The following ROBO2 variants were observed in gnomAD, a reference collection of about 807,000 sequenced individuals.
ROBO2 encodes roundabout homolog 2.
ROBO2 carries 53 observed loss-of-function variants against 160.8 expected under a neutral mutation model. That is an observed-to-expected ratio of 0.33 (90% CI 0.26 to 0.41). The LOEUF is 0.41. ROBO2 is among the 10% of genes least tolerant of loss of function. ROBO2 has a pLI of 1.00. For synonymous variants in ROBO2, 664 were observed against 611.7 expected (o/e 1.09, Z -1.26); for missense variants, 1,577 against 1,722.4 (o/e 0.92, Z 1.49).
At chr3:76,729,640 T>TCCC (rs1553884329) in intron 2 of ROBO2, among the ~76,000 whole-genome samples, 1 of 55,296 alleles carries the variant, frequency 1.8e-5, no homozygotes, top group African/African-American at 9.7e-5. Context: ...TCTCTCTCTC[T>TCCC]TTTTTTTTTT....
At chr3:76,072,893 C>T (rs1348820811) in intron 2 of ROBO2, among the ~76,000 whole-genome samples, 1 of 152,150 alleles carries the variant, frequency 6.6e-6, no homozygotes, top group Non-Finnish European at 1.5e-5. Context: ...CTATTCAGAC[C>T]TCTGTTTCCT....
At chr3:76,132,675 C>T (rs963391276) in intron 2 of ROBO2, among the ~76,000 whole-genome samples, 4 of 152,078 alleles carry the variant, frequency 2.6e-5, no homozygotes, top group Non-Finnish European at 5.9e-5. Context: ...AGGCCTTCTT[C>T]TAAAACATGT....
At chr3:75,944,063 C>A (rs1177521589) in intron 2 of ROBO2, among the ~76,000 whole-genome samples, 1 of 152,044 alleles carries the variant, frequency 6.6e-6, no homozygotes, top group Non-Finnish European at 1.5e-5. Context: ...TAAAATTAAT[C>A]TGTATACGAA....
At chr3:77,219,434 G>GTGTATATATATATA (rs1553852643) in intron 2 of ROBO2, among the ~76,000 whole-genome samples, 34 of 115,252 alleles carry the variant, frequency 3.0e-4, no homozygotes, top group South Asian at 1.5e-3. Flanking sequence ...GTATGTGTGT[G>GTGTATATATATATA]TATATATATA....
intron 2 of ROBO2, among the ~76,000 whole-genome samples, chr3:76,706,266 T>C (rs2107532681): frequency 6.6e-6 from 1 of 152,194 alleles, no homozygotes; most frequent in East Asian, 1.9e-4. Context: ...TAAAACATTG[T>C]TCATTTTTTA....
chr3:77,156,981 G>T (rs1044276928), intron 2 of ROBO2, among the ~76,000 whole-genome samples: 2 of 151,850 alleles, frequency 1.3e-5, no homozygotes, highest in African/African-American at 4.8e-5. Flanking sequence ...CAAATTCTTG[G>T]ACAACCACCC....
In ROBO2 at chr3:77,205,007, C is replaced by A. The variant is rs1579956253; in HGVS notation, c.388+106667C>A. Among the ~76,000 whole-genome samples the A allele has an allele frequency of 2.0e-5, 3 of 152,132 alleles. No individual in the cohort carries two copies. In the East Asian group the frequency reaches 5.8e-4, roughly 29 times the overall value. ...CAGACCGGCAGGTGCAGGAGCCGGG[C>A]GGGGCAAGTGCTCTGGGCTGCAGCC... On this transcript the variant is annotated intron_variant, in intron 2 of 25. Coordinates refer to ENST00000461745, the Ensembl canonical transcript of ROBO2.
intron 2 of ROBO2, among the ~76,000 whole-genome samples, chr3:76,665,122 ACTCT>A (rs771021108): frequency 2.6e-5 from 4 of 151,658 alleles, no homozygotes; most frequent in African/African-American, 7.3e-5. Context: ...TATATAAACT[ACTCT>A]CTCTTTCCCC....
At chr3:76,782,778 A>G (rs1421146827) in intron 2 of ROBO2, among the ~76,000 whole-genome samples, 2 of 150,742 alleles carry the variant, frequency 1.3e-5, no homozygotes, top group African/African-American at 4.8e-5. Context: ...TCTGAAAGCT[A>G]AAGTGAGTCT....
intron 2 of ROBO2, among the ~76,000 whole-genome samples, chr3:76,376,275 G>A (rs2076340774): frequency 6.6e-6 from 1 of 152,006 alleles, no homozygotes; most frequent in Non-Finnish European, 1.5e-5. Context: ...CAGTCCCAGT[G>A]GATTCAGCAA....
At chr3:77,187,513 C>T (rs1267630737) in intron 2 of ROBO2, among the ~76,000 whole-genome samples, 3 of 151,948 alleles carry the variant, frequency 2.0e-5, no homozygotes, top group East Asian at 1.9e-4. Context: ...TTTTTGGTCT[C>T]GTTTTTACAG....
intron 1 of ROBO2, among the ~76,000 whole-genome samples, chr3:77,059,168 C>T (rs2066045565): frequency 6.6e-6 from 1 of 151,922 alleles, no homozygotes; most frequent in African/African-American, 2.4e-5. Flanking sequence ...ATGTTGAGGA[C>T]TGGAGATAGC....
At chr3:77,135,748 T>G (rs1049216434) in intron 2 of ROBO2, among the ~76,000 whole-genome samples, 1 of 152,172 alleles carries the variant, frequency 6.6e-6, no homozygotes, top group Non-Finnish European at 1.5e-5. Flanking sequence ...GTAGAATGTT[T>G]CTGCCCTTTC....
intron 2 of ROBO2, among the ~76,000 whole-genome samples, chr3:76,439,546 G>A (rs558803255): frequency 1.3e-5 from 2 of 152,110 alleles, no homozygotes; most frequent in Non-Finnish European, 2.9e-5. Context: ...CGATCTCCAG[G>A]CAGAGAAGCA....
intron 2 of ROBO2, among the ~76,000 whole-genome samples, chr3:77,407,596 C>T (rs936474777): frequency 5.3e-5 from 8 of 152,168 alleles, no homozygotes; most frequent in Non-Finnish European, 1.2e-4. Context: ...CTCCATCACT[C>T]CTGCAGCGTT....
At chr3:75,965,602 ATATTTTGTATATTTT>A (rs1482281568) in intron 2 of ROBO2, among the ~76,000 whole-genome samples, 2 of 5,002 alleles carry the variant, frequency 4.0e-4, no homozygotes, top group African/African-American at 4.4e-4. Context: ...TGCTAAATTA[ATATTTTGTATATTTT>A]TATTTTGTAT....
At chr3:77,293,939 G>A (rs149363376) in intron 2 of ROBO2, among the ~76,000 whole-genome samples, 1 of 142,812 alleles carries the variant, frequency 7.0e-6, no homozygotes, top group South Asian at 2.2e-4. Flanking sequence ...TAAAATTGAT[G>A]GTTAAACGGG....
intron 2 of ROBO2, among the ~76,000 whole-genome samples, chr3:75,958,738 C>T (rs1269062265): frequency 6.6e-6 from 1 of 151,662 alleles, no homozygotes; most frequent in African/African-American, 2.4e-5. Flanking sequence ...ATATGTTCAT[C>T]TTCATTACAA....
chr3:77,310,765 C>A (rs984185742), intron 2 of ROBO2, among the ~76,000 whole-genome samples: 17 of 150,992 alleles, frequency 1.1e-4, no homozygotes, highest in African/African-American at 4.1e-4. Flanking sequence ...TATTATAAGA[C>A]CCAGATTTAC....
Sources: allele counts gnomAD v4.1 joint callset (sites outside exome capture counted in the v4.1 genomes callset), GRCh38; gene constraint gnomAD v4.1.1; transcripts MANE v1.5; gene names NCBI Gene and HGNC (gene_info 2026-07-23, HGNC 2026-07-21).